CALN1: variants seen among roughly 807,000 people sequenced by gnomAD.
CALN1 encodes calcium-binding protein 8.
Under a neutral mutation model 30.6 loss-of-function variants are expected in CALN1, and 17 were observed. That is an observed-to-expected ratio of 0.56 (90% CI 0.38 to 0.83). The LOEUF is 0.83. Ranked by LOEUF, CALN1 falls within the 40% of genes least tolerant of loss-of-function variation. The probability of loss-of-function intolerance (pLI) is 0.00; values close to 1 mark genes in which losing one functional copy is unlikely to be tolerated. For synonymous variants in CALN1, 156 were observed against 131.4 expected (o/e 1.19, Z -1.28); for missense variants, 291 against 354.9 (o/e 0.82, Z 1.45).
At position 71,959,828 on chromosome 7, in the gene CALN1, T is replaced by C. The variant is rs1196817362; in HGVS notation, c.501+63829A>G. Among the ~76,000 whole-genome samples the C allele has an allele frequency of 5.9e-5, 9 of 152,204 alleles. No homozygotes were observed. In the East Asian group the frequency reaches 1.7e-3, roughly 29 times the overall value. On this transcript the variant is annotated intron_variant, in intron 5 of 6. Coordinates refer to ENST00000395275, the MANE Select transcript of CALN1 (RefSeq NM_031468.4). ...AATGTGATGTCTCTTCACAGTTGTA[T>C]TCTTTTTTAAAAATGCATATTTAGG...
intron 5 of CALN1, among the ~76,000 whole-genome samples, chr7:71,936,848 T>G (rs747776938): frequency 1.3e-5 from 2 of 151,850 alleles, no homozygotes; most frequent in African/African-American, 2.4e-5. Flanking sequence ...TCCCCCATAC[T>G]GTTCTCGTGG....
chr7:72,052,365 A>G (rs1225759177), intron 4 of CALN1, among the ~76,000 whole-genome samples: 1 of 152,112 alleles, frequency 6.6e-6, no homozygotes. Flanking sequence ...GAAGGTAGAG[A>G]GAAGATACGG....
chr7:72,336,604 A>C, intron 2 of CALN1: 7 of 813,412 alleles, frequency 8.6e-6, no homozygotes, highest in Non-Finnish European at 1.0e-5. Flanking sequence ...GGCCCGCGAC[A>C]GCCCGGGGGT....
At chr7:72,158,456 C>T (rs1325743907) in intron 3 of CALN1, among the ~76,000 whole-genome samples, 2 of 152,200 alleles carry the variant, frequency 1.3e-5, no homozygotes, top group Non-Finnish European at 2.9e-5. Context: ...CCAATCCAAC[C>T]TTCGTCCTGG....
At chr7:71,880,671 T>C (rs1436521715) in intron 5 of CALN1, among the ~76,000 whole-genome samples, 1 of 152,200 alleles carries the variant, frequency 6.6e-6, no homozygotes. Flanking sequence ...GTTCAAAATG[T>C]AGTTCTTAAG....
intron 2 of CALN1, among the ~76,000 whole-genome samples, chr7:72,397,416 C>T (rs1035305232): frequency 6.6e-6 from 1 of 152,110 alleles, no homozygotes; most frequent in African/African-American, 2.4e-5. Context: ...GTTGAGGCAA[C>T]AAGAGGTGAG....
At chr7:72,249,946 C>A (rs1480457208) in intron 3 of CALN1, among the ~76,000 whole-genome samples, 782 of 116,902 alleles carry the variant, frequency 6.7e-3, no homozygotes, top group East Asian at 7.3e-3. Flanking sequence ...CAAAACAAAC[C>A]AAAAAAAAAA....
intron 5 of CALN1, among the ~76,000 whole-genome samples, chr7:71,841,389 T>A (rs530874723): frequency 6.6e-6 from 1 of 152,304 alleles, no homozygotes; most frequent in African/African-American, 2.4e-5. Context: ...AAAGACTGGA[T>A]GGAATCATCA....
chr7:72,060,273 G>A (rs548465092), intron 4 of CALN1, among the ~76,000 whole-genome samples: 16 of 152,250 alleles, frequency 1.1e-4, no homozygotes, highest in African/African-American at 2.4e-4. Flanking sequence ...CCATTGTCTC[G>A]AGTAGGAACA....
At chr7:72,021,681 C>A (rs750464331) in intron 5 of CALN1, among the ~76,000 whole-genome samples, 3 of 152,176 alleles carry the variant, frequency 2.0e-5, no homozygotes, top group African/African-American at 4.8e-5. Flanking sequence ...TCCTCTGGGA[C>A]CAGGTCCCAT....
chr7:72,307,094 T>G (rs1449365276), intron 2 of CALN1, among the ~76,000 whole-genome samples: 2 of 152,156 alleles, frequency 1.3e-5, no homozygotes, highest in Non-Finnish European at 2.9e-5. Flanking sequence ...GACTTCTGTT[T>G]TTGGTTTTTG....
At chr7:72,230,269 T>C (rs1029009247) in intron 3 of CALN1, among the ~76,000 whole-genome samples, 14 of 146,998 alleles carry the variant, frequency 9.5e-5, no homozygotes, top group African/African-American at 3.3e-4. Context: ...GAACTTAAAG[T>C]AAAATTTTAA....
intron 5 of CALN1, among the ~76,000 whole-genome samples, chr7:71,989,046 A>G (rs1798816856): frequency 6.6e-6 from 1 of 152,162 alleles, no homozygotes; most frequent in African/African-American, 2.4e-5. Context: ...GTATCAGCCA[A>G]TTGCATGCTG....
intron 4 of CALN1, among the ~76,000 whole-genome samples, chr7:72,067,690 T>C (rs1417900388): frequency 6.6e-6 from 1 of 152,206 alleles, no homozygotes; most frequent in East Asian, 1.9e-4. Flanking sequence ...AACCAATCGC[T>C]ATGCTAAGGA....
chr7:72,184,187 C>A (rs1473302444), intron 3 of CALN1, among the ~76,000 whole-genome samples: 6 of 152,190 alleles, frequency 3.9e-5, no homozygotes, highest in Admixed American at 3.9e-4. Flanking sequence ...GTTAATTTTT[C>A]AATCGTCGTC....
In CALN1 at chr7:72,403,279, T is replaced by A; in HGVS notation, c.91A>T (p.Arg31Trp). Residue 31 changes from arginine (R) to tryptophan (W), a missense_variant, in exon 2 of 7, where the codon AGG becomes TGG. Physicochemically the swap from Arg to Trp is moderately radical, Grantham distance 101. Coordinates refer to ENST00000395275, the MANE Select transcript of CALN1 (RefSeq NM_031468.4). Reference sequence around the variant, plus strand: ...GTGGGGAAGTCGGGGGCCTGGCTCCTCGGCGGCTCCTCTCCCCCTCCGAGG... The same window carrying A: ...GTGGGGAAGTCGGGGGCCTGGCTCCACGGCGGCTCCTCTCCCCCTCCGAGG... ...GALGGGEEPPRSQAPDFPTWE... is the reference protein window; with the variant it reads ...GALGGGEEPPWSQAPDFPTWE... 6.5e-7 allele frequency: 1 copy of A among 1,550,348 alleles called. No homozygotes were observed. The highest frequency in any genetic ancestry group is 8.7e-7 in the Non-Finnish European group (1 of 1,146,922).
intron 3 of CALN1, among the ~76,000 whole-genome samples, chr7:72,184,180 A>G (rs978072096): frequency 1.3e-5 from 2 of 152,206 alleles, no homozygotes; most frequent in African/African-American, 4.8e-5. Flanking sequence ...CATGATGGTT[A>G]ATTTTTCAAT....
At chr7:71,805,748 A>G (rs994911475) in intron 6 of CALN1, among the ~76,000 whole-genome samples, 2 of 152,120 alleles carry the variant, frequency 1.3e-5, no homozygotes, top group Non-Finnish European at 2.9e-5. Context: ...AGTTCTTTAT[A>G]ATATAATGAT....
chr7:71,826,802 A>G (rs1788941487), intron 5 of CALN1, among the ~76,000 whole-genome samples: 1 of 152,184 alleles, frequency 6.6e-6, no homozygotes, highest in African/African-American at 2.4e-5. Flanking sequence ...CAGCCTCCTG[A>G]GTAGCTGGGA....
Sources: allele counts gnomAD v4.1 joint callset (sites outside exome capture counted in the v4.1 genomes callset), GRCh38; gene constraint gnomAD v4.1.1; transcripts MANE v1.5; gene names NCBI Gene and HGNC (gene_info 2026-07-23, HGNC 2026-07-21).